The following PIK3R5 variants were observed in gnomAD, a reference collection of about 807,000 sequenced individuals.
PIK3R5 encodes phosphoinositide-3-kinase regulatory subunit 5, also known as phosphoinositide 3-kinase regulatory subunit 5.
Under a neutral mutation model 94.9 loss-of-function variants are expected in PIK3R5, and 32 were observed. The observed-to-expected ratio is 0.34, with a 90% CI of 0.25 to 0.45. The LOEUF (loss-of-function observed/expected upper bound fraction) is 0.45. PIK3R5 is among the 20% of genes least tolerant of loss of function. The pLI, the probability that PIK3R5 is intolerant of heterozygous loss-of-function variation, is 1.00. For synonymous variants in PIK3R5, 443 were observed against 479.4 expected (o/e 0.92, Z 0.99); for missense variants, 853 against 1,144.6 (o/e 0.75, Z 3.68).
In PIK3R5 at chr17:8,881,884, G is replaced by A; in HGVS notation, c.2206-3C>T. 6.2e-7 allele frequency: 1 copy of A among 1,611,420 alleles called. No individual in the cohort carries two copies. Among genetic ancestry groups the A allele is most frequent in the Admixed American group, 1.7e-5 (1 of 59,780 alleles). On this transcript the variant is annotated splice_region_variant and splice_polypyrimidine_tract_variant and intron_variant, in intron 15 of 18. Transcript: ENST00000447110. This position sits in a 1 kb window ranked among gnomAD's most constrained non-coding sequence, Gnocchi z 4.8. Reference sequence around the variant, plus strand: ...CGACTTCGTCCACTGATGGCCCCCTGGAAATGCAGTGTAGCCAGACCCTCT... The same window carrying A: ...CGACTTCGTCCACTGATGGCCCCCTAGAAATGCAGTGTAGCCAGACCCTCT...
intron 3 of PIK3R5, among the ~76,000 whole-genome samples, chr17:8,907,736 C>T (rs1011602368): frequency 2.0e-5 from 3 of 151,972 alleles, no homozygotes; most frequent in African/African-American, 7.2e-5. Context: ...ACCTCCTGGG[C>T]TCAAGCAATC....
chr17:8,937,020 A>G (rs1186581643), intron 1 of PIK3R5, among the ~76,000 whole-genome samples: 1 of 152,054 alleles, frequency 6.6e-6, no homozygotes, highest in Non-Finnish European at 1.5e-5. Context: ...GCTAGTGTAA[A>G]TGGTATTGTA....
Position 8,884,627 on chromosome 17 carries a change from C to A in PIK3R5, c.2205+80G>T. ...GACTGGGGCCCAGGAACACACGAGT[C>A]CAGCTCTGGGTCCAAGCTCTGGCGG... On this transcript the variant is annotated intron_variant, in intron 15 of 18. Transcript: ENST00000447110. The surrounding 1 kb of genome is among the most constrained non-coding windows in gnomAD (Gnocchi z 5.8). The A allele has an allele frequency of 8.8e-7, 1 of 1,141,454 alleles. No individual in the cohort carries two copies. Among genetic ancestry groups the A allele is most frequent in the Non-Finnish European group, 1.3e-6 (1 of 763,918 alleles). The allele number at this position is 1,141,454 out of a possible 1,614,324, so 70.7% of individuals were successfully genotyped here. A position where few individuals can be genotyped will look rare whatever the true frequency, so the allele number is the denominator to read the frequency against.
intron 14 of PIK3R5, among the ~76,000 whole-genome samples, chr17:8,885,715 A>G (rs1243393336): frequency 1.4e-3 from 7 of 5,094 alleles, no homozygotes; most frequent in Non-Finnish European, 2.1e-3. Flanking sequence ...CCATGGCCCC[A>G]CCTCCTGGGT....
intron 14 of PIK3R5, among the ~76,000 whole-genome samples, chr17:8,885,248 G>A (rs934311085): frequency 2.0e-5 from 3 of 149,430 alleles, no homozygotes; most frequent in African/African-American, 7.5e-5. Flanking sequence ...CTGCCTCCCG[G>A]TAACCGTGCC....
intron 5 of PIK3R5, among the ~76,000 whole-genome samples, chr17:8,897,950 GTGTC>G (rs2090189459): frequency 6.7e-6 from 1 of 149,364 alleles, no homozygotes; most frequent in Non-Finnish European, 1.5e-5. Flanking sequence ...TGTGGTGTGT[GTGTC>G]TGTGTGTCTG....
chr17:8,888,544 G>T lies in PIK3R5; in HGVS notation c.1243C>A (p.Arg415Ser). 6.2e-7 allele frequency: 1 copy of T among 1,611,772 alleles called. No homozygotes were observed. Among genetic ancestry groups the T allele is most frequent in the Non-Finnish European group, 8.5e-7 (1 of 1,179,704 alleles). The change falls in exon 10 of 19, where the codon CGC (arginine) becomes AGC (serine). Residue 415 changes from arginine to serine, a missense_variant. Around this residue, in one of 6 missense-constraint regions of PIK3R5, gnomAD observed 319 missense variants for 339.8 expected, o/e 0.94. Transcript: ENST00000447110. The surrounding 1 kb of genome is among the most constrained non-coding windows in gnomAD (Gnocchi z 7.8). ...CTGATGAACTTCTGCCCAGGCCTGC[G>T]GTGGCCTCGGCGTTCCTGGCTGCCA... ...RRGSQERRGH[R>S]RPGQKFIRIY...
At chr17:8,953,089 G>A (rs1044018966) in intron 1 of PIK3R5, among the ~76,000 whole-genome samples, 8 of 152,196 alleles carry the variant, frequency 5.3e-5, no homozygotes, top group Non-Finnish European at 7.4e-5. Flanking sequence ...TTGGGAGAAT[G>A]AGGGAATGGG....
intron 1 of PIK3R5, among the ~76,000 whole-genome samples, chr17:8,948,638 G>A (rs776436183): frequency 6.6e-6 from 1 of 152,076 alleles, no homozygotes; most frequent in Non-Finnish European, 1.5e-5. Context: ...CCCAGCAGAA[G>A]GGCCAAAATG....
intron 15 of PIK3R5, among the ~76,000 whole-genome samples, chr17:8,883,302 A>C (rs1179472806): frequency 2.0e-5 from 3 of 152,196 alleles, no homozygotes; most frequent in Non-Finnish European, 4.4e-5. Flanking sequence ...AGGGAGGCGG[A>C]TGTTGCAGTG....
intron 1 of PIK3R5, among the ~76,000 whole-genome samples, chr17:8,958,747 T>G (rs2091506482): frequency 6.6e-6 from 1 of 151,856 alleles, no homozygotes; most frequent in Non-Finnish European, 1.5e-5. Flanking sequence ...GACACCTTTT[T>G]TTTTCTCTCT....
Position 8,882,285 on chromosome 17 carries a change from A to C in PIK3R5, c.2206-404T>G. 4.9e-6 allele frequency: 1 copy of C among 205,316 alleles called. No homozygotes were observed. Among genetic ancestry groups the C allele is most frequent in the Non-Finnish European group, 1.0e-5 (1 of 98,346 alleles). The allele number at this position is 205,316 out of a possible 1,614,324, so 12.7% of individuals were successfully genotyped here. A position where few individuals can be genotyped will look rare whatever the true frequency, so the allele number is the denominator to read the frequency against. On this transcript the variant is annotated intron_variant, in intron 15 of 18. Coordinates refer to ENST00000447110, the MANE Select transcript of PIK3R5 (RefSeq NM_001142633.3). This position sits in a 1 kb window ranked among gnomAD's most constrained non-coding sequence, Gnocchi z 4.1. ...GTCATCAGGGACCTCCATGTTGTTAAACCGAAGAACACTTCTTGGTCCTCA... is the reference window on the plus strand; with the variant it reads ...GTCATCAGGGACCTCCATGTTGTTACACCGAAGAACACTTCTTGGTCCTCA...
At chr17:8,930,195 A>T (rs373820135) in intron 1 of PIK3R5, among the ~76,000 whole-genome samples, 45 of 152,342 alleles carry the variant, frequency 3.0e-4, no homozygotes, top group African/African-American at 1.0e-3. Flanking sequence ...TGGGCCTTAA[A>T]ACAACCAAAC....
Position 8,895,926 on chromosome 17 carries a change from C to A in PIK3R5, c.413-2271G>T, listed in dbSNP as rs540140089. Among the ~76,000 whole-genome samples, 80 of 152,266 alleles carry A rather than the reference C, an allele frequency of 5.3e-4. 1 individual carries two copies. The highest frequency in any genetic ancestry group is 9.9e-4 in the Non-Finnish European group (67 of 68,014). ...ATCATCAGATAAACTCCCGCCCTCA[C>A]CCCCAAAACACCATCAACCCCCTTC... On this transcript the variant is annotated intron_variant, in intron 5 of 18. Coordinates refer to ENST00000447110, the MANE Select transcript of PIK3R5 (RefSeq NM_001142633.3).
intron 5 of PIK3R5, among the ~76,000 whole-genome samples, chr17:8,902,885 C>T (rs1338815080): frequency 1.4e-5 from 2 of 143,276 alleles, no homozygotes; most frequent in East Asian, 4.0e-4. Context: ...GCTCTTGTTG[C>T]CCAGGCTGGA....
intron 3 of PIK3R5, among the ~76,000 whole-genome samples, chr17:8,907,395 A>G (rs1287367185): frequency 6.6e-6 from 1 of 152,112 alleles, no homozygotes; most frequent in Non-Finnish European, 1.5e-5. Context: ...TTTGCAATGA[A>G]CACTACTATG....
chr17:8,893,765 G>C lies in PIK3R5; in HGVS notation c.413-110C>G, dbSNP rs1325213929. 1.3e-6 allele frequency: 1 copy of C among 788,318 alleles called. No homozygotes were observed. The highest frequency in any genetic ancestry group is 2.2e-6 in the Non-Finnish European group (1 of 461,732). 48.8% of individuals were successfully genotyped at this position (788,318 alleles called of 1,614,324 possible). A position where few individuals can be genotyped will look rare whatever the true frequency, so the allele number is the denominator to read the frequency against. On this transcript the variant is annotated intron_variant, in intron 5 of 18. Coordinates refer to ENST00000447110, the MANE Select transcript of PIK3R5 (RefSeq NM_001142633.3). The surrounding 1 kb of genome is among the most constrained non-coding windows in gnomAD (Gnocchi z 5.1). ...CAATCAGGTTGGAAATTCCCGGATG[G>C]AGCTCAGGCGAACCTGCAGAGAAGC...
rs2090039220 is a variant in PIK3R5 at position 8,892,012 on chromosome 17, C to T, written c.483-1100G>A. Among the ~76,000 whole-genome samples the T allele has an allele frequency of 6.6e-6, 1 of 152,180 alleles. No individual in the cohort carries two copies. Among genetic ancestry groups the T allele is most frequent in the South Asian group, 2.1e-4 (1 of 4,830 alleles). ...CACGGCTGTTCTCACTTCCCCCATG[C>T]CAACCCCTCCATCACTGCATGACCT... is the stretch of plus-strand genomic sequence containing the variant. On this transcript the variant is annotated intron_variant, in intron 6 of 18. Coordinates refer to ENST00000447110, the MANE Select transcript of PIK3R5 (RefSeq NM_001142633.3). This position sits in a 1 kb window ranked among gnomAD's most constrained non-coding sequence, Gnocchi z 4.3.
intron 1 of PIK3R5, among the ~76,000 whole-genome samples, chr17:8,944,699 C>T (rs1184906561): frequency 6.6e-6 from 1 of 152,180 alleles, no homozygotes; most frequent in East Asian, 1.9e-4. Flanking sequence ...TTCAAAGGCA[C>T]CTGGCTAGGG....
Sources: gnomAD v4.1 joint callset for allele counts (sites outside exome capture counted in the v4.1 genomes callset) on GRCh38, gnomAD v4.1.1 for gene constraint, gnomAD v4.1.1 regional missense constraint, Gnocchi (gnomAD v3.1) non-coding constraint, MANE v1.5 for transcripts, NCBI Gene and HGNC (gene_info 2026-07-23, HGNC 2026-07-21) for gene names.